Variants in DCAF15 observed in about 807,000 individuals in gnomAD.
DCAF15 encodes the protein DDB1 and CUL4 associated factor 15.
A neutral mutation model predicts 68.0 loss-of-function variants in DCAF15; 24 were observed. The ratio of observed to expected loss-of-function variants is 0.35; its 90% CI spans 0.26 to 0.50. DCAF15 has a LOEUF of 0.50. DCAF15 is among the 20% of genes least tolerant of loss of function. The pLI is 0.98. For synonymous variants in DCAF15, 376 were observed against 341.6 expected, an observed-to-expected ratio of 1.10 and a Z score of -1.11; for missense variants, 627 against 830.6, an observed-to-expected ratio of 0.75 and a Z score of 3.01.
At chr19:13,954,210 CCTT>C in intron 1 of DCAF15, 127 bp from the exon 2 acceptor site, 1 of 742,638 alleles carries the variant, frequency 1.3e-6, no homozygotes, top group Non-Finnish European at 2.3e-6. Context: ...CAGAGCTTGG[CCTT>C]CTTTTGACCA....
rs1040722051 is a variant in DCAF15 at position 13,953,116 on chromosome 19, T to G, written c.132+472T>G. 12 of 1,550,050 alleles carry G rather than the reference T, an allele frequency of 7.7e-6. No homozygotes were observed. The African/African-American group carries it at 1.5e-4, about 19-fold the overall frequency. On this transcript the variant is annotated intron_variant, in intron 1 of 12. Transcript: ENST00000254337. ...ACCACACATGAGCTGGGAGTTCCAG[T>G]ACCTGGGTGGGCCTCCCCATTGAAA...
intron 6 of DCAF15, 110 bp downstream of exon 6, chr19:13,956,632 C>A: frequency 8.2e-7 from 1 of 1,226,146 alleles, no homozygotes; most frequent in Non-Finnish European, 1.1e-6. Context: ...GCTACTTCCC[C>A]AAGTCACACA....
intron 4 of DCAF15, 40 bp from the exon 5 acceptor site, chr19:13,956,083 C>T (rs753501614): frequency 1.9e-6 from 3 of 1,610,272 alleles, no homozygotes; most frequent in Non-Finnish European, 1.7e-6. Context: ...GGGGGCCCCC[C>T]AGGCGCCGAC....
chr19:13,955,079 C>T (rs1973297541), intron 3 of DCAF15, among the ~76,000 whole-genome samples: 1 of 151,952 alleles, frequency 6.6e-6, no homozygotes, highest in African/African-American at 2.4e-5. Context: ...GCACTCCAGC[C>T]TGGGCAACAG....
intron 1 of DCAF15, among the ~76,000 whole-genome samples, 189 bp from the exon 2 acceptor site, chr19:13,954,151 G>A (rs1262270835): frequency 6.6e-6 from 1 of 152,192 alleles, no homozygotes; most frequent in Non-Finnish European, 1.5e-5. Flanking sequence ...GCTCAAGCGC[G>A]GTCCATCTGG....
Position 13,955,904 on chromosome 19 carries a change from C to G in DCAF15, c.367-8C>G. 6.2e-7 allele frequency: 1 copy of G among 1,613,554 alleles called. No homozygotes were observed. The highest frequency in any genetic ancestry group is 8.5e-7 in the Non-Finnish European group (1 of 1,179,926). ...TGACCCGGTGCTGCCCCTGAACGTG[C>G]CTCACAGGTCCGGCAGGTTCGGCTA... On this transcript the variant is annotated splice_region_variant and splice_polypyrimidine_tract_variant and intron_variant, in intron 3 of 12. Transcript: ENST00000254337.
At chr19:13,959,552 C>G (rs774798137) in intron 7 of DCAF15, 30 bp from the exon 8 acceptor site, 33 of 1,608,246 alleles carry the variant, frequency 2.1e-5, no homozygotes, top group Non-Finnish European at 2.3e-5. Flanking sequence ...TGGCCTCCCT[C>G]CACCCCACCC....
rs370982642 is a variant in DCAF15, at chr19:13,956,302, C to T, written c.613+40C>T. 9 of 1,611,564 alleles carry T rather than the reference C, an allele frequency of 5.6e-6. No homozygotes were observed. In the South Asian group the frequency reaches 9.9e-5, roughly 18 times the overall value. On this transcript the variant is annotated intron_variant, in intron 5 of 12. Coordinates refer to ENST00000254337, the MANE Select transcript of DCAF15 (RefSeq NM_138353.4). Reference sequence around the variant, plus strand: ...GGGGCGAGGGCCTCTTCCCCCCTCCCCCCCTTGCTCCGGGCCGAGAGTGAG... The same window carrying T: ...GGGGCGAGGGCCTCTTCCCCCCTCCTCCCCTTGCTCCGGGCCGAGAGTGAG...
intron 6 of DCAF15, among the ~76,000 whole-genome samples, chr19:13,958,550 C>T (rs952420485): frequency 3.3e-5 from 5 of 152,046 alleles, no homozygotes; most frequent in African/African-American, 4.8e-5. Flanking sequence ...TTGGGGGAGT[C>T]GTCTCTAGGC....
intron 3 of DCAF15, among the ~76,000 whole-genome samples, chr19:13,955,017 G>A (rs540290774): frequency 3.0e-4 from 46 of 151,790 alleles, no homozygotes; most frequent in Admixed American, 7.2e-4. Flanking sequence ...GAGGCAGGAG[G>A]ATCACCTGAG....
intron 1 of DCAF15, among the ~76,000 whole-genome samples, chr19:13,953,603 C>G (rs1973197217): frequency 6.6e-6 from 1 of 152,242 alleles, no homozygotes; most frequent in Non-Finnish European, 1.5e-5. Flanking sequence ...TGTCTCCCAT[C>G]AGACAGGGAG....
rs1412344127 is a variant in DCAF15 at position 13,952,587 on chromosome 19, G to A, written c.75G>A (p.Gly25=). 4 of 1,266,204 alleles carry A rather than the reference G, an allele frequency of 3.2e-6. No homozygotes were observed. The highest frequency in any genetic ancestry group is 6.3e-5 in the East Asian group (2 of 31,864). 78.4% of individuals were successfully genotyped at this position (1,266,204 alleles called of 1,614,324 possible). The part of the protein sequence containing the change: ...SGGGGPGGAG[G]KRAAGRRREH... Reference sequence around the variant, plus strand: ...GCGGCGGCCCCGGGGGAGCCGGAGGGAAGCGGGCAGCAGGGCGGCGGCGGG... The same window carrying A: ...GCGGCGGCCCCGGGGGAGCCGGAGGAAAGCGGGCAGCAGGGCGGCGGCGGG... The change falls in exon 1 of 13, where the codon GGG becomes GGA. Residue 25 remains glycine (G), a synonymous_variant. Coordinates refer to ENST00000254337, the MANE Select transcript of DCAF15 (RefSeq NM_138353.4).
At chr19:13,956,761 G>T (rs988021203) in intron 6 of DCAF15, among the ~76,000 whole-genome samples, 1 of 152,252 alleles carries the variant, frequency 6.6e-6, no homozygotes, top group Admixed American at 6.5e-5. Context: ...CACTTGGAAT[G>T]TGGCTCATGT....
intron 1 of DCAF15, 67 bp from the exon 2 acceptor site, chr19:13,954,273 C>G: frequency 7.1e-7 from 1 of 1,412,298 alleles, no homozygotes; most frequent in South Asian, 1.2e-5. Flanking sequence ...CTCTGCCTCT[C>G]TGCCGTGGGT....
Position 13,960,492 on chromosome 19 carries a change from G to A in DCAF15, c.1659G>A (p.Lys553=). Reference sequence around the variant, plus strand: ...GCAGTGTCTGGAGCTCCTACCGCAAGAGCTGCGTGGACATGGTCATGAAGT... The same window carrying A: ...GCAGTGTCTGGAGCTCCTACCGCAAAAGCTGCGTGGACATGGTCATGAAGT... ...TSGSVWSSYR[K]SCVDMVMKWL... The change falls in exon 12 of 13, where the codon AAG becomes AAA. Residue 553 remains lysine (K), a synonymous_variant. Transcript: ENST00000254337. 6.2e-7 allele frequency: 1 copy of A among 1,611,634 alleles called. No individual in the cohort carries two copies. Among genetic ancestry groups the A allele is most frequent in the Non-Finnish European group, 8.5e-7 (1 of 1,179,264 alleles).
rs766540075 is a variant in DCAF15, at chr19:13,959,340, G to A, written c.1080G>A (p.Glu360=). 3 of 1,605,970 alleles carry A rather than the reference G, an allele frequency of 1.9e-6. No homozygotes were observed. Among genetic ancestry groups the A allele is most frequent in the South Asian group, 2.2e-5 (2 of 91,080 alleles). The change falls in exon 7 of 13, where the codon GAG becomes GAA. Residue 360 remains glutamate, a synonymous_variant. Transcript: ENST00000254337. ...GCAGCCGCTGCCGTGCGCACTCTGA[G>A]CCCCTAGCCCTGTGTGGAGAGACGG... The part of the protein sequence containing the change: ...PSGSRCRAHS[E]PLALCGETAP...
Position 13,959,395 on chromosome 19 carries a change from G to T in DCAF15, c.1135G>T (p.Ala379Ser). Reference protein sequence around the residue: ...APRDSPPASEAPASEPGYVNY... With the variant: ...APRDSPPASESPASEPGYVNY... ...CCGGGACAGCCCCCCTGCCTCGGAGGCACCTGCCTCCGAGCCTGGCTATGT... is the reference window on the plus strand; with the variant it reads ...CCGGGACAGCCCCCCTGCCTCGGAGTCACCTGCCTCCGAGCCTGGCTATGT... The change falls in exon 7 of 13, where the codon GCA becomes TCA. Residue 379 changes from alanine to serine, a missense_variant. Ala to Ser is a moderately conservative substitution (Grantham distance 99). Transcript: ENST00000254337. The T allele has an allele frequency of 6.2e-7, 1 of 1,606,336 alleles. No individual in the cohort carries two copies. The highest frequency in any genetic ancestry group is 1.1e-5 in the South Asian group (1 of 91,060).
Position 13,959,398 on chromosome 19 carries a change from C to T in DCAF15, c.1138C>T (p.Pro380Ser), listed in dbSNP as rs1426495505. Residue 380 changes from proline (P) to serine (S), a missense_variant, in exon 7 of 13, where the codon CCT (proline) becomes TCT (serine). Physicochemically the swap from Pro to Ser is moderately conservative, Grantham distance 74. Around this residue, in one of 3 missense-constraint regions of DCAF15, gnomAD observed 236 missense variants for 225.1 expected, o/e 1.05. Transcript: ENST00000254337. ...GGACAGCCCCCCTGCCTCGGAGGCACCTGCCTCCGAGCCTGGCTATGTCAA... is the reference window on the plus strand; with the variant it reads ...GGACAGCCCCCCTGCCTCGGAGGCATCTGCCTCCGAGCCTGGCTATGTCAA... ...PRDSPPASEA[P>S]ASEPGYVNYT... 6.2e-7 allele frequency: 1 copy of T among 1,606,638 alleles called. No homozygotes were observed. The highest frequency in any genetic ancestry group is 1.1e-5 in the South Asian group (1 of 91,058).
rs1973320469 is a variant in DCAF15 at position 13,955,462 on chromosome 19, TAGC to T, written c.367-445_367-443del. Among the ~76,000 whole-genome samples the T allele has an allele frequency of 2.6e-5, 4 of 152,244 alleles. No individual in the cohort carries two copies. In the South Asian group the frequency reaches 8.3e-4, roughly 32 times the overall value. On this transcript the variant is annotated intron_variant, in intron 3 of 12. Transcript: ENST00000254337. Reference sequence around the variant, plus strand: ...ATTTTTATGGTTCAAAATGGGTAAATAGCAGCAATTCCATTTGGTTCAACACAC... The same window carrying T: ...ATTTTTATGGTTCAAAATGGGTAAATAGCAATTCCATTTGGTTCAACACAC...
Sources: gnomAD v4.1 joint callset for allele counts (sites outside exome capture counted in the v4.1 genomes callset) on GRCh38, gnomAD v4.1.1 for gene constraint, gnomAD v4.1.1 regional missense constraint, MANE v1.5 for transcripts, NCBI Gene and HGNC (gene_info 2026-07-23, HGNC 2026-07-21) for gene names.